PCDHGB2: variants seen among roughly 807,000 people sequenced by gnomAD.
PCDHGB2 encodes the protein protocadherin gamma subfamily B, 2.
In PCDHGB2, 55 loss-of-function variants were observed where a neutral mutation model predicts 59.3. That is an observed-to-expected ratio of 0.93 (90% CI 0.75 to 1.16). The LOEUF is 1.16. Among genes scored for constraint, PCDHGB2 ranks in the 50% most tolerant of loss-of-function variants. The pLI, the probability that PCDHGB2 is intolerant of heterozygous loss-of-function variation, is 0.00. For missense variants in PCDHGB2, 1,228 were observed against 1,198.5 expected (o/e 1.02, Z -0.36); for synonymous variants, 516 against 512.0 (o/e 1.01, Z -0.11).
chr5:141,418,370 C>G (rs910813828), intron 1 of PCDHGB2: 1 of 1,613,822 alleles, frequency 6.2e-7, no homozygotes, highest in African/African-American at 1.3e-5. Flanking sequence ...GAGCAAATAC[C>G]AACTAAGTCC....
At chr5:141,385,182 G>C (rs374159387) in intron 1 of PCDHGB2, 1 of 1,614,138 alleles carries the variant, frequency 6.2e-7, no homozygotes, top group African/African-American at 1.3e-5. Context: ...CCCTCACCGC[G>C]GACTCTCGGA....
At chr5:141,419,137 C>T (rs764281503) in intron 1 of PCDHGB2, 1 of 1,613,892 alleles carries the variant, frequency 6.2e-7, no homozygotes, top group Non-Finnish European at 8.5e-7. Flanking sequence ...CAGCCACAGA[C>T]AGGGGCAAGC....
rs1588712478 is a variant in PCDHGB2 at position 141,372,895 on chromosome 5, T to G, written c.2421+10339T>G. On this transcript the variant is annotated intron_variant, in intron 1 of 3. Transcript: ENST00000522605. ...AGATAAAAAGAATACAGATTAAATA[T>G]TCCCTGATTACATTATTTTATTGAT... 5 of 1,115,450 alleles carry G rather than the reference T, an allele frequency of 4.5e-6. No individual in the cohort carries two copies. The East Asian group carries it at 1.3e-4, about 29-fold the overall frequency. The allele number at this position is 1,115,450 out of a possible 1,614,324, so 69.1% of individuals were successfully genotyped here.
chr5:141,387,144 G>C (rs2090840258), intron 1 of PCDHGB2, among the ~76,000 whole-genome samples: 1 of 152,168 alleles, frequency 6.6e-6, no homozygotes, highest in Admixed American at 6.5e-5. Context: ...ATTGGGAAGG[G>C]GGTGTATTTG....
At chr5:141,385,050 G>C in intron 1 of PCDHGB2, 1 of 1,614,164 alleles carries the variant, frequency 6.2e-7, no homozygotes, top group Non-Finnish European at 8.5e-7. Flanking sequence ...TCAGGCTGCG[G>C]CGCTGGCACA....
rs201085226 is a variant in PCDHGB2 at position 141,365,970 on chromosome 5, C to T, written c.2421+3414C>T. 2.6e-5 allele frequency: 42 copies of T among 1,614,138 alleles called. 1 individual carries two copies. The Admixed American group carries it at 4.3e-4, about 17-fold the overall frequency. On this transcript the variant is annotated intron_variant, in intron 1 of 3. Transcript: ENST00000522605. ...AACCCTCCACTTAGCAGCAACGTGT[C>T]GCTGAGCCTGTTTGTGCTGGACCAG...
At chr5:141,401,861 G>T (rs934405271) in intron 1 of PCDHGB2, among the ~76,000 whole-genome samples, 1 of 152,122 alleles carries the variant, frequency 6.6e-6, no homozygotes, top group African/African-American at 2.4e-5. Flanking sequence ...TAACCTTTCA[G>T]TAGTTTTCTT....
chr5:141,489,707 G>A lies in PCDHGB2; in HGVS notation c.2422-5100G>A. 6.2e-7 allele frequency: 1 copy of A among 1,614,194 alleles called. No individual in the cohort carries two copies. Among genetic ancestry groups the A allele is most frequent in the Non-Finnish European group, 8.5e-7 (1 of 1,180,022 alleles). The stretch of plus-strand genomic sequence containing the variant: ...TCTGGGGCACGATTCCCACTGGACA[G>A]TGCCCAGGATCCGGATGTGGGCACC... On this transcript the variant is annotated intron_variant, in intron 1 of 3. Transcript: ENST00000522605. The surrounding 1 kb of genome is among the most constrained non-coding windows in gnomAD (Gnocchi z 4.5).
chr5:141,407,958 A>G lies in PCDHGB2; in HGVS notation c.2421+45402A>G, dbSNP rs1018466165. On this transcript the variant is annotated intron_variant, in intron 1 of 3. Transcript: ENST00000522605. ...TGGGCGCCGCTGTCGGCCAGTGCAG[A>G]GCAAGCGCTGACGCCGGGGATCCGT... 5 of 660,632 alleles carry G rather than the reference A, an allele frequency of 7.6e-6. No homozygotes were observed. In the South Asian group the frequency reaches 1.2e-4, roughly 15 times the overall value. 40.9% of individuals were successfully genotyped at this position (660,632 alleles called of 1,614,324 possible).
At chr5:141,413,396 G>A in intron 1 of PCDHGB2, 1 of 1,614,060 alleles carries the variant, frequency 6.2e-7, no homozygotes, top group Non-Finnish European at 8.5e-7. Flanking sequence ...GTCTCCAGAG[G>A]TAGGACGCAG....
At chr5:141,372,146 T>A (rs371379465) in intron 1 of PCDHGB2, 1 of 1,613,620 alleles carries the variant, frequency 6.2e-7, no homozygotes, top group Non-Finnish European at 8.5e-7. Context: ...CTGCAGAGCC[T>A]GGCTACCTGG....
chr5:141,482,071 A>G (rs2099551527), intron 1 of PCDHGB2, among the ~76,000 whole-genome samples: 1 of 145,394 alleles, frequency 6.9e-6, no homozygotes, highest in Non-Finnish European at 1.5e-5. Flanking sequence ...GGCAACAAGA[A>G]CAAAACTCAC....
chr5:141,419,151 C>G, intron 1 of PCDHGB2: 3 of 1,613,918 alleles, frequency 1.9e-6, no homozygotes, highest in Non-Finnish European at 1.7e-6. Flanking sequence ...GGCAAGCCTC[C>G]GTTATCCTCC....
chr5:141,393,676 A>G (rs767754951), intron 1 of PCDHGB2: 2 of 1,613,954 alleles, frequency 1.2e-6, no homozygotes, highest in South Asian at 1.1e-5. Flanking sequence ...AATGAAAAAC[A>G]AACTCCGTTA....
Position 141,409,527 on chromosome 5 carries a change from T to A in PCDHGB2, c.2421+46971T>A. 1 of 1,613,970 alleles carries A rather than the reference T, an allele frequency of 6.2e-7. No homozygotes were observed. Among genetic ancestry groups the A allele is most frequent in the South Asian group, 1.1e-5 (1 of 91,084 alleles). ...TCCAGTAGAAGCATCACCTTGTATGTCGCTGACATCAACGACAACGCCCCA... is the reference window on the plus strand; with the variant it reads ...TCCAGTAGAAGCATCACCTTGTATGACGCTGACATCAACGACAACGCCCCA... On this transcript the variant is annotated intron_variant, in intron 1 of 3. Coordinates refer to ENST00000522605, the MANE Select transcript of PCDHGB2 (RefSeq NM_018923.3).
intron 1 of PCDHGB2, chr5:141,366,531 G>T (rs756742340): frequency 6.2e-7 from 1 of 1,614,152 alleles, no homozygotes; most frequent in Non-Finnish European, 8.5e-7. Context: ...AGGTTGGCGG[G>T]TGTGCCCGCC....
intron 1 of PCDHGB2, chr5:141,409,138 A>T: frequency 6.2e-7 from 1 of 1,614,046 alleles, no homozygotes; most frequent in South Asian, 1.1e-5. Context: ...TTGAAGATGT[A>T]GAAAGGTACA....
At position 141,364,968 on chromosome 5, in the gene PCDHGB2, C is replaced by T. The variant is rs368689829; in HGVS notation, c.2421+2412C>T. On this transcript the variant is annotated intron_variant, in intron 1 of 3. Transcript: ENST00000522605. ...GAGACTGTTCACGACCTCCTCCTCA[C>T]AGCTTTAGATGGCGGAGACCCGGTA... 166 of 1,613,836 alleles carry T rather than the reference C, an allele frequency of 1.0e-4. No homozygotes were observed. Among genetic ancestry groups the T allele is most frequent in the Non-Finnish European group, 1.4e-4 (162 of 1,179,906 alleles).
intron 1 of PCDHGB2, chr5:141,417,651 A>G (rs2154547111): frequency 1.2e-6 from 1 of 822,038 alleles, no homozygotes; most frequent in Non-Finnish European, 1.8e-6. Flanking sequence ...CTCAGCCTCT[A>G]GCCTGGGATT....
Sources: gnomAD v4.1 joint callset for allele counts (sites outside exome capture counted in the v4.1 genomes callset) on GRCh38, gnomAD v4.1.1 for gene constraint, Gnocchi (gnomAD v3.1) non-coding constraint, MANE v1.5 for transcripts, NCBI Gene and HGNC (gene_info 2026-07-23, HGNC 2026-07-21) for gene names.